SLC16A14: variants seen among roughly 807,000 people sequenced by gnomAD.
SLC16A14 encodes solute carrier family 16 member 14, also known as monocarboxylate transporter 14.
A neutral mutation model predicts 35.8 loss-of-function variants in SLC16A14; 14 were observed. The observed-to-expected ratio is 0.39, with a 90% confidence interval of 0.26 to 0.61. The LOEUF (loss-of-function observed/expected upper bound fraction) is 0.61, where lower values mean the gene tolerates loss of function less well. SLC16A14 is among the 20% of genes least tolerant of loss of function. SLC16A14 has a pLI of 0.51. For synonymous variants in SLC16A14, 248 were observed against 258.9 expected, an observed-to-expected ratio of 0.96 and a Z score of 0.40; for missense variants, 533 against 655.0, an observed-to-expected ratio of 0.81 and a Z score of 2.03.
chr2:230,064,866 C>T (rs11688409), intron 1 of SLC16A14, among the ~76,000 whole-genome samples: 32,174 of 151,904 alleles, frequency 0.21, 3,913 homozygotes, highest in Non-Finnish European at 0.27. Context: ...CAAAATTAGC[C>T]GGGTGTGGTG....
intron 3 of SLC16A14, among the ~76,000 whole-genome samples, chr2:230,049,143 C>T (rs1480078906): frequency 6.6e-6 from 1 of 150,674 alleles, no homozygotes; most frequent in Admixed American, 6.6e-5. Flanking sequence ...AATCTTGGCT[C>T]ACAGCAACCT....
In SLC16A14 at chr2:230,038,544, T is replaced by C. The variant is rs2077535602; in HGVS notation, c.1382-1013A>G. The stretch of plus-strand genomic sequence containing the variant: ...ACAAGAGTTTTATTTATGGTAAAAA[T>C]GTAAATTTTGAACATTCATTTTTTT... On this transcript the variant is annotated intron_variant, in intron 4 of 4. Coordinates refer to ENST00000295190, the MANE Select transcript of SLC16A14 (RefSeq NM_152527.5). This position sits in a 1 kb window ranked among gnomAD's most constrained non-coding sequence, Gnocchi z 4.4. Among the ~76,000 whole-genome samples the C allele has an allele frequency of 6.6e-6, 1 of 152,154 alleles. No homozygotes were observed. The highest frequency in any genetic ancestry group is 6.6e-5 in the Admixed American group (1 of 15,266).
intron 2 of SLC16A14, among the ~76,000 whole-genome samples, chr2:230,057,693 T>G (rs2077716847): frequency 1.3e-5 from 2 of 152,184 alleles, no homozygotes; most frequent in African/African-American, 4.8e-5. Flanking sequence ...TTTAGAAGAT[T>G]TTTCAATAAT....
intron 3 of SLC16A14, among the ~76,000 whole-genome samples, chr2:230,048,563 G>T (rs1439802410): frequency 6.6e-6 from 1 of 152,156 alleles, no homozygotes; most frequent in Non-Finnish European, 1.5e-5. Context: ...CTCTAGATTT[G>T]CTTCTTCGTC....
Position 230,067,508 on chromosome 2 carries a change from C to T in SLC16A14, c.-15+1047G>A, listed in dbSNP as rs541447497. On this transcript the variant is annotated intron_variant, in intron 1 of 4. Transcript: ENST00000295190. ...CCAAGCCTGTTTTACCTCCTCCCAC[C>T]CCCAACACTGCCTCTCTCCCCTCTC... Among the ~76,000 whole-genome samples, 962 of 151,172 alleles carry T rather than the reference C, an allele frequency of 6.4e-3. 12 individuals carry two copies. Among genetic ancestry groups the T allele is most frequent in the African/African-American group, 0.021 (846 of 40,826 alleles).
At position 230,049,778 on chromosome 2, in the gene SLC16A14, G is replaced by C; in HGVS notation, c.386C>G (p.Thr129Ser). The C allele has an allele frequency of 6.2e-7, 1 of 1,613,930 alleles. No individual in the cohort carries two copies. The highest frequency in any genetic ancestry group is 8.5e-7 in the Non-Finnish European group (1 of 1,179,820). Residue 129 changes from threonine (T) to serine (S), a missense_variant, in exon 3 of 5, where the codon ACT (threonine) becomes AGT (serine). By Grantham distance (58) the Thr-to-Ser change is moderately conservative (BLOSUM62 1). Coordinates refer to ENST00000295190, the MANE Select transcript of SLC16A14 (RefSeq NM_152527.5). ...ATGCTTACCAGCTGCGACTCCAAAA[G>C]TAATGAAGAGATAATGCACGTTTGC... is the stretch of plus-strand genomic sequence containing the variant. ...YAANVHYLFI[T>S]FGVAAGLGSG...
rs118020016 is a variant in SLC16A14, at chr2:230,043,535, C to G, written c.1381+2210G>C. On this transcript the variant is annotated intron_variant, in intron 4 of 4. Coordinates refer to ENST00000295190, the MANE Select transcript of SLC16A14 (RefSeq NM_152527.5). ...TGCCAGAAGGTATTAGAATAAAGGGCCTGGAGGGCCCAGACAGGAGGGTGC... is the reference window on the plus strand; with the variant it reads ...TGCCAGAAGGTATTAGAATAAAGGGGCTGGAGGGCCCAGACAGGAGGGTGC... 3.5e-4 allele frequency among the ~76,000 whole-genome samples: 53 copies of G among 152,324 alleles called. No individual in the cohort carries two copies. In the East Asian group the frequency reaches 9.4e-3, roughly 27 times the overall value.
intron 4 of SLC16A14, among the ~76,000 whole-genome samples, chr2:230,044,704 T>TTGTGTGTGTGTGTGTGTG (rs751868776): frequency 7.5e-6 from 1 of 132,542 alleles, no homozygotes; most frequent in African/African-American, 3.0e-5. Context: ...AAGTCTGTAT[T>TTGTGTGTGTGTGTGTGTG]TGTGTGTGTG....
chr2:230,063,577 CTCA>C (rs2077768315), intron 1 of SLC16A14, among the ~76,000 whole-genome samples: 1 of 152,126 alleles, frequency 6.6e-6, no homozygotes, highest in Non-Finnish European at 1.5e-5. Flanking sequence ...ATGTAGGTCT[CTCA>C]TCAATAATAA....
At position 230,059,290 on chromosome 2, in the gene SLC16A14, T is replaced by A. The variant is rs1326296770; in HGVS notation, c.63A>T (p.Thr21=). The change falls in exon 2 of 5, where the codon ACA becomes ACT. Residue 21 remains threonine (T), a synonymous_variant. Coordinates refer to ENST00000295190, the MANE Select transcript of SLC16A14 (RefSeq NM_152527.5). The part of the protein sequence containing the change: ...DFEDGPKDKK[T]LKPHPNIDGG... Reference sequence around the variant, plus strand: ...CATCAATGTTTGGGTGGGGCTTCAGTGTCTTTTTGTCTTTGGGGCCATCTT... The same window carrying A: ...CATCAATGTTTGGGTGGGGCTTCAGAGTCTTTTTGTCTTTGGGGCCATCTT... The A allele has an allele frequency of 1.3e-5, 21 of 1,612,996 alleles. No individual in the cohort carries two copies.
intron 3 of SLC16A14, among the ~76,000 whole-genome samples, chr2:230,047,773 A>G (rs1015819203): frequency 1.3e-5 from 2 of 152,252 alleles, no homozygotes; most frequent in Non-Finnish European, 2.9e-5. Flanking sequence ...GGATATGTCA[A>G]TTAGCCTTAT....
At chr2:230,058,215 CA>C (rs1441865933) in intron 2 of SLC16A14, 2 of 71,634 alleles carry the variant, frequency 2.8e-5, no homozygotes, top group Admixed American at 1.4e-4. Flanking sequence ...TTTTAAATGA[CA>C]GTTTTTTTTT....
At position 230,046,364 on chromosome 2, in the gene SLC16A14, C is replaced by T. The variant is rs1036258383; in HGVS notation, c.762G>A (p.Gly254=). Residue 254 remains glycine (G), a synonymous_variant, in exon 4 of 5, where the codon GGG becomes GGA. Coordinates refer to ENST00000295190, the MANE Select transcript of SLC16A14 (RefSeq NM_152527.5). This position sits in a 1 kb window ranked among gnomAD's most constrained non-coding sequence, Gnocchi z 5.0. ...GCAGGTCGCAGAGGGTCTCCTCGTT[C>T]CCGAGCCCACCATCCTTCTCTTCTG... ...GRTEEKDGGL[G]NEETLCDLQA... 1 of 1,614,208 alleles carries T rather than the reference C, an allele frequency of 6.2e-7. No individual in the cohort carries two copies. The highest frequency in any genetic ancestry group is 8.5e-7 in the Non-Finnish European group (1 of 1,180,044).
chr2:230,042,157 A>C (rs139467939), intron 4 of SLC16A14, among the ~76,000 whole-genome samples: 96 of 152,320 alleles, frequency 6.3e-4, no homozygotes, highest in Non-Finnish European at 1.0e-3. Flanking sequence ...CGCATCATTG[A>C]AGGCTCCCAA....
chr2:230,058,037 A>C (rs2077719978), intron 2 of SLC16A14, among the ~76,000 whole-genome samples: 1 of 139,192 alleles, frequency 7.2e-6, no homozygotes, highest in African/African-American at 2.8e-5. Flanking sequence ...TTAAAAAAAA[A>C]AAAATATATC....
chr2:230,066,614 C>T, intron 1 of SLC16A14: 1 of 426,610 alleles, frequency 2.3e-6, no homozygotes, highest in Non-Finnish European at 4.6e-6. Context: ...TCTACAGCAG[C>T]GTAGAAAGTT....
rs184675505 is a variant in SLC16A14 at position 230,045,929 on chromosome 2, C to A, written c.1197G>T (p.Leu399=). ...NFTLVLSIFI[L]PLMHTYAGLA... is the part of the protein sequence containing the mutation. ...GGCCAGCGTACGTGTGCATCAACGG[C>A]AGAATAAAAATACTGAGGACAAGGG... is the stretch of plus-strand genomic sequence containing the variant. The change falls in exon 4 of 5, where the codon CTG becomes CTT. Residue 399 remains leucine, a synonymous_variant. Coordinates refer to ENST00000295190, the MANE Select transcript of SLC16A14 (RefSeq NM_152527.5). 25 of 1,612,194 alleles carry A rather than the reference C, an allele frequency of 1.6e-5. No individual in the cohort carries two copies. In the Admixed American group the frequency reaches 2.5e-4, roughly 16 times the overall value.
chr2:230,063,230 G>A (rs2077764837), intron 1 of SLC16A14, among the ~76,000 whole-genome samples: 1 of 146,656 alleles, frequency 6.8e-6, no homozygotes, highest in African/African-American at 2.5e-5. Context: ...GAAGGTTGCA[G>A]TAGTGAGGTG....
chr2:230,054,087 G>GGT (rs71769855), intron 2 of SLC16A14, among the ~76,000 whole-genome samples: 2,396 of 84,382 alleles, frequency 0.028, 67 homozygotes, highest in African/African-American at 0.086. Flanking sequence ...AGCCTGAGGT[G>GGT]GGGGGGGAAG....
Sources: allele counts gnomAD v4.1 joint callset (sites outside exome capture counted in the v4.1 genomes callset), GRCh38; gene constraint gnomAD v4.1.1; non-coding constraint Gnocchi (gnomAD v3.1); transcripts MANE v1.5; gene names NCBI Gene and HGNC (gene_info 2026-07-23, HGNC 2026-07-21).